ROBO2: variants seen among roughly 807,000 people sequenced by gnomAD.
The protein encoded by ROBO2 is roundabout guidance receptor 2.
A neutral mutation model predicts 160.8 loss-of-function variants in ROBO2; 53 were observed. The ratio of observed to expected loss-of-function variants is 0.33; its 90% CI spans 0.26 to 0.41. The LOEUF (loss-of-function observed/expected upper bound fraction) is 0.41, where lower values mean the gene tolerates loss of function less well. Among genes scored for constraint, ROBO2 ranks in the 10% least tolerant of loss-of-function variants. The pLI, the probability that ROBO2 is intolerant of heterozygous loss-of-function variation, is 1.00. For synonymous variants in ROBO2, 664 were observed against 611.7 expected, an observed-to-expected ratio of 1.09 and a Z score of -1.26; for missense variants, 1,577 against 1,722.4, an observed-to-expected ratio of 0.92 and a Z score of 1.49.
chr3:76,689,430 A>G (rs914848352), intron 2 of ROBO2, among the ~76,000 whole-genome samples: 2 of 152,068 alleles, frequency 1.3e-5, no homozygotes, highest in African/African-American at 4.8e-5. Flanking sequence ...TTATTAATTC[A>G]TTTGTATATT....
intron 2 of ROBO2, among the ~76,000 whole-genome samples, chr3:76,425,133 A>G (rs1456121225): frequency 6.6e-6 from 1 of 152,072 alleles, no homozygotes; most frequent in East Asian, 1.9e-4. Flanking sequence ...TGCATGAGCC[A>G]TGCTTTTCTA....
intron 2 of ROBO2, among the ~76,000 whole-genome samples, chr3:76,630,041 C>A (rs541664805): frequency 1.3e-5 from 2 of 152,152 alleles, no homozygotes. Context: ...GCTGCCTCCC[C>A]GCTTGGCTGA....
chr3:76,089,432 A>C (rs1301583768), intron 2 of ROBO2, among the ~76,000 whole-genome samples: 1 of 152,126 alleles, frequency 6.6e-6, no homozygotes, highest in Non-Finnish European at 1.5e-5. Context: ...AGTAATACTC[A>C]ACAAAATATT....
intron 2 of ROBO2, among the ~76,000 whole-genome samples, chr3:76,933,287 G>T (rs1393680630): frequency 1.3e-5 from 2 of 152,090 alleles, no homozygotes; most frequent in African/African-American, 4.8e-5. Flanking sequence ...GATTATACTA[G>T]TTATCCTATC....
intron 2 of ROBO2, among the ~76,000 whole-genome samples, chr3:77,108,090 CCTT>C (rs780551725): frequency 1.3e-5 from 2 of 151,424 alleles, no homozygotes; most frequent in Non-Finnish European, 2.9e-5. Context: ...ACCTCATTTT[CCTT>C]CTTGCTTTCT....
At chr3:76,748,954 A>G (rs1369705721) in intron 2 of ROBO2, among the ~76,000 whole-genome samples, 1 of 151,900 alleles carries the variant, frequency 6.6e-6, no homozygotes, top group Non-Finnish European at 1.5e-5. Context: ...ACCATATTAT[A>G]GCTAAATATG....
At chr3:76,653,561 A>T (rs772839572) in intron 2 of ROBO2, among the ~76,000 whole-genome samples, 6 of 152,134 alleles carry the variant, frequency 3.9e-5, no homozygotes, top group Admixed American at 3.3e-4. Context: ...GCTGATTCTT[A>T]TATCTTACTA....
chr3:76,314,168 G>C (rs2071804837), intron 2 of ROBO2, among the ~76,000 whole-genome samples: 1 of 152,058 alleles, frequency 6.6e-6, no homozygotes, highest in African/African-American at 2.4e-5. Flanking sequence ...CACCTTAAGG[G>C]AAGGCAGGTG....
intron 1 of ROBO2, among the ~76,000 whole-genome samples, chr3:75,913,925 T>C (rs1280358596): frequency 6.6e-6 from 1 of 152,182 alleles, no homozygotes; most frequent in East Asian, 1.9e-4. Context: ...ATACTAATCA[T>C]AGACTTCTAG....
intron 2 of ROBO2, among the ~76,000 whole-genome samples, chr3:76,952,656 T>C (rs2079028135): frequency 6.6e-6 from 1 of 152,088 alleles, no homozygotes. Flanking sequence ...TGGCACATAT[T>C]TTCATCTATA....
intron 2 of ROBO2, among the ~76,000 whole-genome samples, chr3:76,399,949 A>G (rs1225043307): frequency 6.6e-6 from 1 of 151,768 alleles, no homozygotes; most frequent in Non-Finnish European, 1.5e-5. Context: ...TCATTTTAAA[A>G]TTGGCTTTAC....
intron 2 of ROBO2, among the ~76,000 whole-genome samples, chr3:76,855,913 C>T (rs1577064888): frequency 6.6e-6 from 1 of 152,254 alleles, no homozygotes; most frequent in East Asian, 1.9e-4. Flanking sequence ...TCATTGAAAG[C>T]AGTATATCTT....
intron 2 of ROBO2, among the ~76,000 whole-genome samples, chr3:76,549,035 T>C (rs9884010): frequency 0.046 from 7,050 of 152,208 alleles, 189 homozygotes; most frequent in African/African-American, 0.072. Context: ...TAATAAATTT[T>C]CAGAATTCCC....
chr3:76,791,518 A>ACT (rs150578311), intron 2 of ROBO2, among the ~76,000 whole-genome samples: 12 of 146,366 alleles, frequency 8.2e-5, no homozygotes, highest in Non-Finnish European at 1.2e-4. Context: ...TGTTTCACAC[A>ACT]CTCTCTCTCT....
intron 2 of ROBO2, among the ~76,000 whole-genome samples, chr3:75,954,598 AAAG>A (rs1278899135): frequency 2.6e-5 from 4 of 151,904 alleles, no homozygotes; most frequent in South Asian, 4.1e-4. Context: ...ACATCACAGA[AAAG>A]AAGTTCAAAA....
At chr3:76,875,814 C>T (rs1277357193) in intron 2 of ROBO2, among the ~76,000 whole-genome samples, 1 of 151,994 alleles carries the variant, frequency 6.6e-6, no homozygotes, top group Non-Finnish European at 1.5e-5. Flanking sequence ...CTACCACATC[C>T]TGTTAATTTT....
intron 2 of ROBO2, among the ~76,000 whole-genome samples, chr3:76,203,661 C>T (rs931776216): frequency 3.4e-5 from 5 of 147,370 alleles, no homozygotes; most frequent in Admixed American, 6.6e-5. Context: ...ATCGGCTTCC[C>T]GGTCAACAGA....
intron 2 of ROBO2, among the ~76,000 whole-genome samples, chr3:76,597,042 T>C (rs1346122596): frequency 3.3e-5 from 5 of 152,104 alleles, no homozygotes; most frequent in African/African-American, 9.7e-5. Flanking sequence ...GCTGAAGTAA[T>C]TGGACATCCA....
In ROBO2 at chr3:76,010,874, C is replaced by A. The variant is rs2066171750; in HGVS notation, c.109+73272C>A. On this transcript the variant is annotated intron_variant, in intron 2 of 26. Transcript: ENST00000487694. ...TTTAGGAAATTTGCAACATAAAGTA[C>A]AAGGTAAATAAATATCTCATTTAGA... Among the ~76,000 whole-genome samples the A allele has an allele frequency of 1.3e-5, 2 of 151,994 alleles. 1 individual carries two copies. Among genetic ancestry groups the A allele is most frequent in the South Asian group, 4.2e-4 (2 of 4,816 alleles).
Sources: allele counts gnomAD v4.1 joint callset (sites outside exome capture counted in the v4.1 genomes callset), GRCh38; gene constraint gnomAD v4.1.1; transcripts MANE v1.5; gene names NCBI Gene and HGNC (gene_info 2026-07-23, HGNC 2026-07-21).